MBNL2: variants seen among roughly 807,000 people sequenced by gnomAD.
MBNL2 encodes muscleblind-like protein 2.
In MBNL2, 17 loss-of-function variants were observed where a neutral mutation model predicts 41.9. That is an observed-to-expected ratio of 0.41 (90% CI 0.28 to 0.61). The LOEUF (loss-of-function observed/expected upper bound fraction) is 0.61. MBNL2 is among the 20% of genes least tolerant of loss of function. MBNL2 has a pLI of 0.35. For missense variants in MBNL2, 336 were observed against 505.6 expected (o/e 0.66, Z 3.22); for synonymous variants, 195 against 182.9 (o/e 1.07, Z -0.53).
chr13:97,186,840 C>CA, the MBNL2 span, among the ~76,000 whole-genome samples: 13 of 151,554 alleles, frequency 8.6e-5, no homozygotes, highest in South Asian at 1.2e-3. Context: ...GATCATACAC[C>CA]AAAAAAAAGG....
At chr13:97,384,503 A>G (rs1594298549) in intron 8 of MBNL2, among the ~76,000 whole-genome samples, 1 of 152,122 alleles carries the variant, frequency 6.6e-6, no homozygotes, top group South Asian at 2.1e-4. Flanking sequence ...GCTGCTGTGG[A>G]GAAGAGGTGT....
intron 1 of MBNL2, among the ~76,000 whole-genome samples, chr13:97,239,391 A>G (rs2043859819): frequency 6.6e-6 from 1 of 152,244 alleles, no homozygotes; most frequent in Non-Finnish European, 1.5e-5. Context: ...TTTGTGGAAT[A>G]CTTGTGAATG....
chr13:97,243,011 C>T (rs745638171), intron 1 of MBNL2, among the ~76,000 whole-genome samples: 1 of 152,220 alleles, frequency 6.6e-6, no homozygotes, highest in African/African-American at 2.4e-5. Context: ...TTCTTGCCCT[C>T]TATCAGCCTG....
At chr13:97,341,045 A>G (rs1368567154) in intron 3 of MBNL2, among the ~76,000 whole-genome samples, 2 of 152,198 alleles carry the variant, frequency 1.3e-5, no homozygotes, top group Non-Finnish European at 2.9e-5. Context: ...AGAGAAAATA[A>G]AAATGGCAGT....
intron 1 of MBNL2, among the ~76,000 whole-genome samples, chr13:97,258,735 A>C (rs558925472): frequency 6.6e-6 from 1 of 152,280 alleles, no homozygotes; most frequent in African/African-American, 2.4e-5. Context: ...AAATAGTGGG[A>C]TGGGGCTGGA....
At chr13:97,374,045 A>G (rs375538694) in intron 8 of MBNL2, among the ~76,000 whole-genome samples, 49 of 139,602 alleles carry the variant, frequency 3.5e-4, no homozygotes, top group African/African-American at 1.2e-3. Flanking sequence ...TAACACCTCA[A>G]ATCCCATCCT....
rs2061927716 is a variant in MBNL2, at chr13:97,346,885, A to G, written c.622A>G (p.Ile208Val). Residue 208 changes from isoleucine to valine, a missense_variant, in exon 5 of 9, where the codon ATC becomes GTC. Ile to Val is a conservative substitution (Grantham distance 29, BLOSUM62 3). Transcript: ENST00000679496. This position sits in a 1 kb window ranked among gnomAD's most constrained non-coding sequence, Gnocchi z 4.2. ...TGCACACCCCGCAGACAGCACCATG[A>G]TCGACACAAGTGACAACACCGTAAC... The part of the protein sequence containing the change: ...RFAHPADSTM[I>V]DTSDNTVTVC... The G allele has an allele frequency of 1.9e-6, 3 of 1,613,962 alleles. No individual in the cohort carries two copies. The highest frequency in any genetic ancestry group is 1.1e-5 in the South Asian group (1 of 91,090).
intron 2 of MBNL2, among the ~76,000 whole-genome samples, chr13:97,310,919 A>G (rs2058547000): frequency 6.6e-6 from 1 of 152,108 alleles, no homozygotes. Context: ...CAGTTAAGGT[A>G]AAAAGAAAAA....
chr13:97,310,400 T>C (rs2153019871), intron 2 of MBNL2, among the ~76,000 whole-genome samples: 1 of 152,250 alleles, frequency 6.6e-6, no homozygotes, highest in East Asian at 1.9e-4. Context: ...GTGAGTGAGA[T>C]TTGTAGCCCT....
intron 2 of MBNL2, among the ~76,000 whole-genome samples, chr13:97,306,462 A>G (rs1001554057): frequency 2.0e-5 from 3 of 152,088 alleles, no homozygotes. Context: ...ATATTTCTAG[A>G]GCCTTCCATT....
chr13:97,299,360 A>C (rs749209117), intron 2 of MBNL2, among the ~76,000 whole-genome samples: 2 of 152,172 alleles, frequency 1.3e-5, no homozygotes, highest in Non-Finnish European at 2.9e-5. Context: ...CTTATATTCC[A>C]GGGAGAGAGA....
the MBNL2 span, among the ~76,000 whole-genome samples, chr13:97,152,444 C>A: frequency 1.3e-5 from 2 of 151,994 alleles, no homozygotes; most frequent in Non-Finnish European, 2.9e-5. Context: ...AAAAGTACGG[C>A]CAAGTGCGAA....
chr13:97,167,389 TA>T, the MBNL2 span, among the ~76,000 whole-genome samples: 109,376 of 144,574 alleles, frequency 0.76, 41,035 homozygotes, highest in African/African-American at 0.82. Context: ...ATGCTTTATG[TA>T]AAAAAAAAAA....
At chr13:97,160,154 G>A in the MBNL2 span, among the ~76,000 whole-genome samples, 5 of 152,110 alleles carry the variant, frequency 3.3e-5, no homozygotes, top group South Asian at 2.1e-4. Context: ...TTGCTGTTAC[G>A]GGAAAGCTCT....
chr13:97,360,354 T>A (rs200324145), intron 7 of MBNL2, among the ~76,000 whole-genome samples: 15 of 152,040 alleles, frequency 9.9e-5, no homozygotes, highest in Admixed American at 3.3e-4. Flanking sequence ...TCCCAAACTA[T>A]GCTAAGATAA....
chr13:97,233,017 G>A (rs1256890614), intron 1 of MBNL2, among the ~76,000 whole-genome samples: 1 of 150,258 alleles, frequency 6.7e-6, no homozygotes, highest in Non-Finnish European at 1.5e-5. Context: ...TGTTTGTGCT[G>A]TTGTGATTTT....
rs930652215 is a variant in MBNL2, at chr13:97,373,605, A to T, written c.1048+8434A>T. The stretch of plus-strand genomic sequence containing the variant: ...ATCCAGACTTACTTAGTATGCTAAA[A>T]ATATATATATATATATATATTAAGG... On this transcript the variant is annotated intron_variant, in intron 8 of 8. Transcript: ENST00000679496. Among the ~76,000 whole-genome samples the T allele has an allele frequency of 3.5e-3, 502 of 145,410 alleles. 5 individuals carry two copies. The highest frequency in any genetic ancestry group is 0.012 in the African/African-American group (456 of 39,538).
At chr13:97,298,990 T>C (rs952703179) in intron 2 of MBNL2, among the ~76,000 whole-genome samples, 3 of 152,060 alleles carry the variant, frequency 2.0e-5, no homozygotes, top group Admixed American at 6.6e-5. Flanking sequence ...ATAATGATCA[T>C]AGTGAAGAGA....
chr13:97,229,044 G>A (rs563730077), intron 1 of MBNL2, among the ~76,000 whole-genome samples: 7 of 150,880 alleles, frequency 4.6e-5, no homozygotes, highest in African/African-American at 9.8e-5. Context: ...TGGATGTTGC[G>A]TAATTGAGTA....
Sources: allele counts gnomAD v4.1 joint callset (sites outside exome capture counted in the v4.1 genomes callset), GRCh38; gene constraint gnomAD v4.1.1; non-coding constraint Gnocchi (gnomAD v3.1); transcripts MANE v1.5; gene names NCBI Gene and HGNC (gene_info 2026-07-23, HGNC 2026-07-21).